DKK2: variants seen among roughly 807,000 people sequenced by gnomAD.
DKK2 encodes dickkopf-related protein 2.
Under a neutral mutation model 28.1 loss-of-function variants are expected in DKK2, and 11 were observed. The observed-to-expected ratio is 0.39, with a 90% CI of 0.25 to 0.65. The LOEUF is 0.65. Among genes scored for constraint, DKK2 ranks in the 30% least tolerant of loss-of-function variants. The probability of loss-of-function intolerance (pLI) is 0.47; values close to 1 mark genes in which losing one functional copy is unlikely to be tolerated. For synonymous variants in DKK2, 135 were observed against 126.5 expected (o/e 1.07, Z -0.45); for missense variants, 326 against 335.5 (o/e 0.97, Z 0.22).
intron 1 of DKK2, among the ~76,000 whole-genome samples, chr4:106,929,529 C>G (rs1284679176): frequency 2.0e-5 from 3 of 152,204 alleles, no homozygotes; most frequent in Middle Eastern, 3.4e-3. Context: ...TAATAGCAAA[C>G]GATTGGCCAT....
intron 1 of DKK2, among the ~76,000 whole-genome samples, chr4:106,950,524 TC>T (rs2110346631): frequency 6.9e-6 from 1 of 145,842 alleles, no homozygotes; most frequent in Non-Finnish European, 1.5e-5. Flanking sequence ...TGCATCTCAC[TC>T]AGCGTGAACA....
chr4:106,925,982 G>C (rs1480613441), intron 1 of DKK2, 33 bp from the exon 2 acceptor site: 2 of 1,563,938 alleles, frequency 1.3e-6, no homozygotes, highest in South Asian at 2.4e-5. Flanking sequence ...CAGAAGTAAA[G>C]GATTAGATCG....
intron 1 of DKK2, among the ~76,000 whole-genome samples, chr4:106,934,794 G>A (rs1244558200): frequency 1.3e-5 from 2 of 152,160 alleles, no homozygotes; most frequent in Middle Eastern, 3.4e-3. Context: ...AAAAAGCAAA[G>A]CAAAATATAA....
In DKK2 at chr4:106,923,776, C is replaced by T; in HGVS notation, c.*178G>A. On this transcript the variant is annotated 3_prime_UTR_variant, in exon 4 of 4. Transcript: ENST00000285311. ...GAAACACTGGCTGCACTGCATTTGT[C>T]ACCCATTCTAATCTATTCAGTTCAT... is the stretch of plus-strand genomic sequence containing the variant. 1 of 814,402 alleles carries T rather than the reference C, an allele frequency of 1.2e-6. No individual in the cohort carries two copies. Among genetic ancestry groups the T allele is most frequent in the African/African-American group, 1.7e-5 (1 of 57,672 alleles). 50.4% of individuals were successfully genotyped at this position (814,402 alleles called of 1,614,324 possible).
intron 1 of DKK2, among the ~76,000 whole-genome samples, chr4:107,031,369 G>C (rs941981985): frequency 6.6e-6 from 1 of 151,946 alleles, no homozygotes; most frequent in Non-Finnish European, 1.5e-5. Flanking sequence ...GTTTATTTCA[G>C]TGAGCACTTT....
Position 106,924,565 on chromosome 4 carries a change from G to C in DKK2, c.509C>G (p.Thr170Ser), listed in dbSNP as rs573677337. Residue 170 changes from threonine to serine, a missense_variant, in exon 3 of 4, where the codon ACT becomes AGT. By Grantham distance (58) the Thr-to-Ser change is moderately conservative. Coordinates refer to ENST00000285311, the MANE Select transcript of DKK2 (RefSeq NM_014421.3). Reference sequence around the variant, plus strand: ...CCTACCTTTTATATGTGACATCTTAGTGTGTGGTCTTCCTAGATTCTGCCA... The same window carrying C: ...CCTACCTTTTATATGTGACATCTTACTGTGTGGTCTTCCTAGATTCTGCCA... ...LGWQNLGRPH[T>S]KMSHIKGHEG... 46 of 1,613,632 alleles carry C rather than the reference G, an allele frequency of 2.9e-5. 1 individual carries two copies. The South Asian group carries it at 3.7e-4, about 13-fold the overall frequency.
At chr4:107,029,816 C>G (rs540562626) in intron 1 of DKK2, among the ~76,000 whole-genome samples, 1 of 151,848 alleles carries the variant, frequency 6.6e-6, no homozygotes, top group Non-Finnish European at 1.5e-5. Context: ...TTTTTTTGCT[C>G]TAGATTATTT....
Position 106,939,148 on chromosome 4 carries a change from A to G in DKK2, c.223-13199T>C, listed in dbSNP as rs1010542485. On this transcript the variant is annotated intron_variant, in intron 1 of 3. Coordinates refer to ENST00000285311, the MANE Select transcript of DKK2 (RefSeq NM_014421.3). The stretch of plus-strand genomic sequence containing the variant: ...AGGAGAAGGAAATAAAGGGCATTCA[A>G]TTAGGAAAAGAGGAAGTCAAATTGT... Among the ~76,000 whole-genome samples the G allele has an allele frequency of 9.4e-4, 143 of 152,334 alleles. 1 individual carries two copies. Among genetic ancestry groups the G allele is most frequent in the African/African-American group, 2.9e-3 (120 of 41,582 alleles).
At chr4:106,968,618 A>G (rs1202866642) in intron 1 of DKK2, among the ~76,000 whole-genome samples, 2 of 58,668 alleles carry the variant, frequency 3.4e-5, no homozygotes, top group Non-Finnish European at 3.5e-5. Context: ...TTTACTTTTA[A>G]GTAAAGTTTC....
At chr4:106,944,000 T>A (rs930839605) in intron 1 of DKK2, among the ~76,000 whole-genome samples, 6 of 152,062 alleles carry the variant, frequency 3.9e-5, no homozygotes, top group African/African-American at 1.2e-4. Flanking sequence ...TTCTTGTTGG[T>A]GGATCATATC....
At chr4:106,963,467 C>T (rs2110351251) in intron 1 of DKK2, among the ~76,000 whole-genome samples, 1 of 152,070 alleles carries the variant, frequency 6.6e-6, no homozygotes, top group East Asian at 1.9e-4. Flanking sequence ...AAATGCAAAT[C>T]AAAACTATAA....
At chr4:106,977,576 T>G (rs1483568321) in intron 1 of DKK2, among the ~76,000 whole-genome samples, 1 of 152,182 alleles carries the variant, frequency 6.6e-6, no homozygotes, top group African/African-American at 2.4e-5. Context: ...TCTTGCTGTG[T>G]TTTTCAGCTC....
intron 1 of DKK2, among the ~76,000 whole-genome samples, chr4:106,934,214 A>G (rs1724545870): frequency 6.6e-6 from 1 of 152,186 alleles, no homozygotes; most frequent in Non-Finnish European, 1.5e-5. Flanking sequence ...AACTTCGTTT[A>G]CATTAAACTC....
chr4:107,000,686 A>T (rs1723346668), intron 1 of DKK2, among the ~76,000 whole-genome samples: 2 of 152,216 alleles, frequency 1.3e-5, no homozygotes, highest in Non-Finnish European at 2.9e-5. Context: ...AAGCCATAAG[A>T]CAAAAAAGAA....
intron 1 of DKK2, among the ~76,000 whole-genome samples, chr4:106,938,770 A>G (rs1227738434): frequency 7.9e-5 from 12 of 151,932 alleles, no homozygotes; most frequent in African/African-American, 2.9e-4. Flanking sequence ...ACCATGATCA[A>G]GTGGGCTTCA....
intron 1 of DKK2, 144 bp from the exon 2 acceptor site, chr4:106,926,093 C>G: frequency 1.1e-6 from 1 of 875,668 alleles, no homozygotes. Context: ...ATGTTCTGAA[C>G]CTAGAGCCTA....
At chr4:106,999,314 G>A (rs1331360832) in intron 1 of DKK2, among the ~76,000 whole-genome samples, 1 of 152,134 alleles carries the variant, frequency 6.6e-6, no homozygotes, top group Non-Finnish European at 1.5e-5. Context: ...ATACATATAT[G>A]TACATTATGT....
chr4:106,990,212 A>G (rs543701797), intron 1 of DKK2, among the ~76,000 whole-genome samples: 7 of 152,350 alleles, frequency 4.6e-5, no homozygotes, highest in Admixed American at 2.0e-4. Flanking sequence ...TACAAAATTT[A>G]TTTCCTCAGT....
intron 1 of DKK2, among the ~76,000 whole-genome samples, chr4:106,946,250 T>C (rs1389009602): frequency 6.6e-6 from 1 of 152,080 alleles, no homozygotes; most frequent in African/African-American, 2.4e-5. Context: ...TATTAAGGAA[T>C]TATGATTAAT....
Sources: allele counts gnomAD v4.1 joint callset (sites outside exome capture counted in the v4.1 genomes callset), GRCh38; gene constraint gnomAD v4.1.1; transcripts MANE v1.5; gene names NCBI Gene and HGNC (gene_info 2026-07-23, HGNC 2026-07-21).